Variants in SLC26A8 observed in about 807,000 individuals in gnomAD.
SLC26A8 encodes the protein solute carrier family 26 member 8.
Under a neutral mutation model 105.0 loss-of-function variants are expected in SLC26A8, and 70 were observed. That is an observed-to-expected ratio of 0.67 (90% CI 0.55 to 0.81). SLC26A8 has a LOEUF of 0.81. Among genes scored for constraint, SLC26A8 ranks in the 40% least tolerant of loss-of-function variants. The pLI, the probability that SLC26A8 is intolerant of heterozygous loss-of-function variation, is 0.00. For missense variants in SLC26A8, 998 were observed against 1,181.8 expected, an observed-to-expected ratio of 0.84 and a Z score of 2.28; for synonymous variants, 415 against 438.3, an observed-to-expected ratio of 0.95 and a Z score of 0.66.
Position 35,981,396 on chromosome 6 carries a change from T to A in SLC26A8, c.1025+725A>T, listed in dbSNP as rs900297603. On this transcript the variant is annotated intron_variant, in intron 8 of 19. Coordinates refer to ENST00000490799, the MANE Select transcript of SLC26A8 (RefSeq NM_052961.4). This position sits in a 1 kb window ranked among gnomAD's most constrained non-coding sequence, Gnocchi z 4.0. ...TGGCTCATGCCTGTAATCCCAGCAC[T>A]ATAGGAGGCCAAGGCAGGAGGAATG... Among the ~76,000 whole-genome samples the A allele has an allele frequency of 6.6e-6, 1 of 152,118 alleles. No homozygotes were observed. The highest frequency in any genetic ancestry group is 2.4e-5 in the African/African-American group (1 of 41,414).
At chr6:36,019,383 G>C in intron 2 of SLC26A8, 137 bp downstream of exon 2, 1 of 942,502 alleles carries the variant, frequency 1.1e-6, no homozygotes, top group South Asian at 2.0e-5. Context: ...AAAAATGACT[G>C]AAGAAAAATT....
At chr6:35,978,189 A>C (rs1286476839) in intron 8 of SLC26A8, among the ~76,000 whole-genome samples, 1 of 151,956 alleles carries the variant, frequency 6.6e-6, no homozygotes, top group Non-Finnish European at 1.5e-5. Flanking sequence ...ATCCTTCATA[A>C]ACACAAATGC....
At chr6:35,945,992 C>G (rs557740807) in intron 19 of SLC26A8, among the ~76,000 whole-genome samples, 22 of 152,140 alleles carry the variant, frequency 1.4e-4, no homozygotes, top group Non-Finnish European at 2.9e-4. Flanking sequence ...TTGCTATCTC[C>G]TCTCCTTCTA....
chr6:35,994,119 T>C (rs959325264), intron 5 of SLC26A8, among the ~76,000 whole-genome samples: 3 of 146,264 alleles, frequency 2.1e-5, no homozygotes, highest in Non-Finnish European at 3.0e-5. Flanking sequence ...TTCTTTTCTT[T>C]TTTTTTTTTT....
At chr6:35,991,176 G>A (rs1362397166) in intron 7 of SLC26A8, among the ~76,000 whole-genome samples, 3 of 152,112 alleles carry the variant, frequency 2.0e-5, no homozygotes, top group African/African-American at 7.2e-5. Context: ...CGAGACAGGT[G>A]GATCACCTGA....
intron 11 of SLC26A8, among the ~76,000 whole-genome samples, chr6:35,966,761 C>A (rs1162150516): frequency 6.6e-6 from 1 of 152,100 alleles, no homozygotes; most frequent in East Asian, 1.9e-4. Flanking sequence ...AGTAATTAAT[C>A]TATTCCATTG....
At chr6:36,008,295 AAAAAC>A (rs147488560) in intron 3 of SLC26A8, among the ~76,000 whole-genome samples, 3,131 of 152,014 alleles carry the variant, frequency 0.021, 98 homozygotes, top group African/African-American at 0.067. Flanking sequence ...TCCTGTCTCT[AAAAAC>A]AAAACAAAAC....
At chr6:35,986,024 CTT>C (rs34715373) in intron 7 of SLC26A8, among the ~76,000 whole-genome samples, 11 of 71,374 alleles carry the variant, frequency 1.5e-4, no homozygotes, top group African/African-American at 6.0e-4. Flanking sequence ...ACATATACAT[CTT>C]TTTTTTTTTT....
intron 10 of SLC26A8, among the ~76,000 whole-genome samples, chr6:35,974,613 A>G (rs1456880704): frequency 6.6e-6 from 1 of 152,190 alleles, no homozygotes; most frequent in Non-Finnish European, 1.5e-5. Flanking sequence ...AAGCCAGGAA[A>G]ATTTTTGCTT....
intron 11 of SLC26A8, among the ~76,000 whole-genome samples, chr6:35,966,289 CAAG>C (rs1772515143): frequency 1.3e-5 from 2 of 152,270 alleles, no homozygotes; most frequent in African/African-American, 4.8e-5. Context: ...TCTTTCCAGT[CAAG>C]AATTTCCAAA....
chr6:35,990,947 T>C (rs1761127375), intron 7 of SLC26A8, among the ~76,000 whole-genome samples: 1 of 152,284 alleles, frequency 6.6e-6, no homozygotes, highest in South Asian at 2.1e-4. Context: ...AGGCAATAGA[T>C]AAAAGTACTT....
At chr6:35,973,075 G>A (rs758719470) in intron 10 of SLC26A8, among the ~76,000 whole-genome samples, 8 of 152,006 alleles carry the variant, frequency 5.3e-5, no homozygotes, top group Non-Finnish European at 7.4e-5. Context: ...TTTAAAAATC[G>A]TCCTCATTCT....
In SLC26A8 at chr6:35,980,719, T is replaced by C. The variant is rs140338693; in HGVS notation, c.1025+1402A>G. Among the ~76,000 whole-genome samples, 226 of 152,200 alleles carry C rather than the reference T, an allele frequency of 1.5e-3. 4 individuals are homozygous for C. The South Asian group carries it at 0.025, about 17-fold the overall frequency. On this transcript the variant is annotated intron_variant, in intron 8 of 19. Transcript: ENST00000490799. Reference sequence around the variant, plus strand: ...CTAGTTCAAACTGATTGTGTCAAAATAGCCTACATTTGCCCGGGTGTGGTG... The same window carrying C: ...CTAGTTCAAACTGATTGTGTCAAAACAGCCTACATTTGCCCGGGTGTGGTG...
chr6:35,959,319 T>C (rs1772217220), intron 16 of SLC26A8, 141 bp downstream of exon 16: 2 of 927,318 alleles, frequency 2.2e-6, no homozygotes, highest in South Asian at 4.5e-5. Flanking sequence ...AGAGGAACCT[T>C]GTATCTTAAT....
At chr6:35,958,132 C>T (rs551849742) in intron 16 of SLC26A8, among the ~76,000 whole-genome samples, 1 of 152,214 alleles carries the variant, frequency 6.6e-6, no homozygotes, top group Non-Finnish European at 1.5e-5. Context: ...TTTCCCAGCA[C>T]AGGCTGATGC....
At chr6:35,948,625 T>C (rs1771756842) in intron 19 of SLC26A8, among the ~76,000 whole-genome samples, 1 of 152,050 alleles carries the variant, frequency 6.6e-6, no homozygotes, top group African/African-American at 2.4e-5. Context: ...ACTGTGATAC[T>C]GAAGCTATAC....
chr6:36,008,314 A>G (rs897747401), intron 3 of SLC26A8, among the ~76,000 whole-genome samples: 2 of 152,042 alleles, frequency 1.3e-5, no homozygotes, highest in African/African-American at 4.8e-5. Context: ...ACAAAACAAA[A>G]CAAAACAAAA....
chr6:35,967,892 C>T (rs149517193), intron 11 of SLC26A8, among the ~76,000 whole-genome samples: 152 of 152,284 alleles, frequency 1.0e-3, no homozygotes, highest in Non-Finnish European at 1.4e-3. Context: ...CTCACTCGGT[C>T]ACCCAGGCTG....
intron 7 of SLC26A8, among the ~76,000 whole-genome samples, chr6:35,986,019 T>C (rs573072088): frequency 6.4e-5 from 9 of 141,204 alleles, no homozygotes; most frequent in African/African-American, 2.3e-4. Flanking sequence ...ACTTCACATA[T>C]ACATCTTTTT....
Sources: gnomAD v4.1 joint callset for allele counts (sites outside exome capture counted in the v4.1 genomes callset) on GRCh38, gnomAD v4.1.1 for gene constraint, Gnocchi (gnomAD v3.1) non-coding constraint, MANE v1.5 for transcripts, NCBI Gene and HGNC (gene_info 2026-07-23, HGNC 2026-07-21) for gene names.